Variants in TMEM38B observed in about 807,000 individuals in gnomAD.
TMEM38B encodes the protein transmembrane protein 38B.
In TMEM38B, 24 loss-of-function variants were observed where a neutral mutation model predicts 28.7. The ratio of observed to expected loss-of-function variants is 0.84; its 90% CI spans 0.61 to 1.18. TMEM38B has a LOEUF of 1.18. Among genes scored for constraint, TMEM38B ranks in the 50% most tolerant of loss-of-function variants. The pLI, the probability that TMEM38B is intolerant of heterozygous loss-of-function variation, is 0.00. For missense variants in TMEM38B, 380 were observed against 350.9 expected (o/e 1.08, Z -0.66); for synonymous variants, 131 against 127.7 (o/e 1.03, Z -0.17).
intron 4 of TMEM38B, among the ~76,000 whole-genome samples, chr9:105,734,729 A>G (rs960873606): frequency 2.0e-5 from 3 of 152,044 alleles, no homozygotes; most frequent in Non-Finnish European, 4.4e-5. Context: ...CATCTGTTTT[A>G]TCTGATATAC....
Position 105,735,508 on chromosome 9 carries a change from TG to T in TMEM38B, c.543-12562del, listed in dbSNP as rs149180813. Among the ~76,000 whole-genome samples the T allele has an allele frequency of 9.0e-3, 1,369 of 152,326 alleles. 32 individuals are homozygous for T. The highest frequency in any genetic ancestry group is 0.031 in the African/African-American group (1,273 of 41,566). ...TGAATTCCCTCAGCTTTTGCTTATC[TG>T]GGAAGGTCTTTATGTAACCTTAATT... On this transcript the variant is annotated intron_variant, in intron 4 of 5. Transcript: ENST00000374692.
chr9:105,722,399 T>C, intron 3 of TMEM38B, 135 bp from the exon 4 acceptor site: 2 of 749,270 alleles, frequency 2.7e-6, no homozygotes, highest in Non-Finnish European at 4.4e-6. Context: ...AAGGCAACTT[T>C]TTTCTTCTTT....
chr9:105,701,821 T>C (rs1263560822), intron 1 of TMEM38B, among the ~76,000 whole-genome samples: 3 of 152,230 alleles, frequency 2.0e-5, no homozygotes, highest in Non-Finnish European at 4.4e-5. Flanking sequence ...TATATGGGCA[T>C]TGAGTCAGTT....
At chr9:105,736,511 G>T (rs1408490005) in intron 4 of TMEM38B, among the ~76,000 whole-genome samples, 1 of 151,764 alleles carries the variant, frequency 6.6e-6, no homozygotes, top group Non-Finnish European at 1.5e-5. Context: ...CGTTTTCCTG[G>T]TTTTGTTGAA....
intron 4 of TMEM38B, among the ~76,000 whole-genome samples, chr9:105,747,170 C>A (rs1837435358): frequency 6.6e-6 from 1 of 152,166 alleles, no homozygotes; most frequent in East Asian, 1.9e-4. Flanking sequence ...CCTCCTTGTA[C>A]CTCTGGTAGA....
rs1055713693 is a variant in TMEM38B, at chr9:105,694,630, G to A, written c.-31G>A. ...CGAGCGCGGGGAACCAGTAGCCGCG[G>A]CTGCTTCGGTTGCCGCGGTCGGTGG... On this transcript the variant is annotated 5_prime_UTR_variant, in exon 1 of 6. Coordinates refer to ENST00000374692, the MANE Select transcript of TMEM38B (RefSeq NM_018112.3). The A allele has an allele frequency of 1.3e-6, 2 of 1,589,292 alleles. No individual in the cohort carries two copies. Among genetic ancestry groups the A allele is most frequent in the Non-Finnish European group, 1.7e-6 (2 of 1,158,646 alleles).
chr9:105,720,610 A>C (rs1282764340), intron 2 of TMEM38B, among the ~76,000 whole-genome samples: 1 of 152,092 alleles, frequency 6.6e-6, no homozygotes, highest in African/African-American at 2.4e-5. Context: ...TTTGGCAAAC[A>C]TTTCATATTT....
At chr9:105,747,223 G>A (rs888623383) in intron 4 of TMEM38B, among the ~76,000 whole-genome samples, 1 of 152,166 alleles carries the variant, frequency 6.6e-6, no homozygotes, top group South Asian at 2.1e-4. Context: ...TTTTTGGTTG[G>A]TAAGCTATTA....
intron 4 of TMEM38B, among the ~76,000 whole-genome samples, chr9:105,729,615 A>G (rs1273317252): frequency 3.9e-5 from 6 of 152,124 alleles, no homozygotes; most frequent in African/African-American, 1.2e-4. Context: ...CAATTCTGTG[A>G]AGAAAGTCAT....
chr9:105,711,292 T>G (rs2133562324), intron 2 of TMEM38B, among the ~76,000 whole-genome samples: 1 of 151,826 alleles, frequency 6.6e-6, no homozygotes, highest in Non-Finnish European at 1.5e-5. Flanking sequence ...ATTACAAAAA[T>G]TAGCTGAGCG....
chr9:105,717,401 G>A (rs1441239296), intron 2 of TMEM38B, among the ~76,000 whole-genome samples: 1 of 145,008 alleles, frequency 6.9e-6, no homozygotes, highest in Admixed American at 7.0e-5. Context: ...CTTATGTACA[G>A]ATATGTGCAA....
At chr9:105,758,758 A>T (rs762079436) in intron 5 of TMEM38B, 14 of 753,252 alleles carry the variant, frequency 1.9e-5, no homozygotes, top group African/African-American at 3.5e-5. Context: ...AACTTATCTC[A>T]TAGAACTCCT....
intron 1 of TMEM38B, among the ~76,000 whole-genome samples, chr9:105,700,767 G>A (rs1286288944): frequency 6.6e-6 from 1 of 152,162 alleles, no homozygotes; most frequent in African/African-American, 2.4e-5. Flanking sequence ...GACAGCAGTG[G>A]TGGCAGCTGA....
intron 4 of TMEM38B, among the ~76,000 whole-genome samples, chr9:105,729,845 T>C (rs556542565): frequency 7.2e-5 from 11 of 152,286 alleles, no homozygotes; most frequent in Admixed American, 5.2e-4. Context: ...TTGTAGTAAT[T>C]GTGAATGGGA....
intron 4 of TMEM38B, among the ~76,000 whole-genome samples, chr9:105,735,007 C>T (rs1836919086): frequency 1.3e-5 from 2 of 151,458 alleles, no homozygotes; most frequent in South Asian, 4.2e-4. Context: ...TTGTTCCTTT[C>T]TTCCTCTTGT....
chr9:105,695,414 C>A (rs1390354714), intron 1 of TMEM38B, among the ~76,000 whole-genome samples: 1 of 152,182 alleles, frequency 6.6e-6, no homozygotes, highest in Non-Finnish European at 1.5e-5. Context: ...TTCACAGTCA[C>A]GACGGACACT....
intron 2 of TMEM38B, among the ~76,000 whole-genome samples, chr9:105,709,870 C>T (rs1339755031): frequency 6.6e-6 from 1 of 152,170 alleles, no homozygotes; most frequent in African/African-American, 2.4e-5. Flanking sequence ...TAACTTTTCC[C>T]ACCTAAATCA....
Position 105,763,246 on chromosome 9 carries a change from G to C in TMEM38B, c.661-10619G>C, listed in dbSNP as rs1838131251. 4.6e-5 allele frequency among the ~76,000 whole-genome samples: 7 copies of C among 152,252 alleles called. No individual in the cohort carries two copies. In the South Asian group the frequency reaches 1.5e-3, roughly 32 times the overall value. ...TGATGGTAGTTTCTTTTGCTGTGCA[G>C]AAGCTCTTTAGTTTAATTAGCTCTC... On this transcript the variant is annotated intron_variant, in intron 5 of 5. Coordinates refer to ENST00000374692, the MANE Select transcript of TMEM38B (RefSeq NM_018112.3).
At chr9:105,772,355 G>A (rs1490987490) in intron 5 of TMEM38B, among the ~76,000 whole-genome samples, 1 of 152,082 alleles carries the variant, frequency 6.6e-6, no homozygotes, top group South Asian at 2.1e-4. Flanking sequence ...TACAGCTTTG[G>A]CCTTCTCACA....
Sources: gnomAD v4.1 joint callset for allele counts (sites outside exome capture counted in the v4.1 genomes callset) on GRCh38, gnomAD v4.1.1 for gene constraint, MANE v1.5 for transcripts, NCBI Gene and HGNC (gene_info 2026-07-23, HGNC 2026-07-21) for gene names.